SCAPER: variants seen among roughly 807,000 people sequenced by gnomAD.
SCAPER encodes S-phase cyclin A associated protein in the ER, also known as S phase cyclin A-associated protein in the endoplasmic reticulum.
A neutral mutation model predicts 182.2 loss-of-function variants in SCAPER; 98 were observed. That is an observed-to-expected ratio of 0.54 (90% CI 0.46 to 0.64). The LOEUF (loss-of-function observed/expected upper bound fraction) is 0.64, where lower values mean the gene tolerates loss of function less well. Ranked by LOEUF, SCAPER falls within the 30% of genes least tolerant of loss-of-function variation. SCAPER has a pLI of 0.00. For synonymous variants in SCAPER, 605 were observed against 564.6 expected (o/e 1.07, Z -1.01); for missense variants, 1,432 against 1,690.0 (o/e 0.85, Z 2.68).
chr15:76,874,026 G>A (rs1261994803), intron 2 of SCAPER, among the ~76,000 whole-genome samples: 1 of 151,952 alleles, frequency 6.6e-6, no homozygotes, highest in Non-Finnish European at 1.5e-5. Flanking sequence ...CCAAGTAGCT[G>A]GGATTACAGG....
intron 23 of SCAPER, among the ~76,000 whole-genome samples, chr15:76,536,022 A>C (rs903868658): frequency 1.3e-5 from 2 of 152,186 alleles, no homozygotes; most frequent in Non-Finnish European, 2.9e-5. Context: ...ACATACACTT[A>C]CTGAGTAAAA....
intron 23 of SCAPER, among the ~76,000 whole-genome samples, chr15:76,523,559 T>C (rs2042975837): frequency 6.6e-6 from 1 of 152,076 alleles, no homozygotes; most frequent in Non-Finnish European, 1.5e-5. Flanking sequence ...ATCCAGGGAA[T>C]CATTTATTCA....
In SCAPER at chr15:76,775,397, G is replaced by C. The variant is rs570562214; in HGVS notation, c.773-280C>G. Among the ~76,000 whole-genome samples, 6 of 152,182 alleles carry C rather than the reference G, an allele frequency of 3.9e-5. 1 individual carries two copies. The highest frequency in any genetic ancestry group is 1.4e-4 in the African/African-American group (6 of 41,526). On this transcript the variant is annotated intron_variant, in intron 8 of 31. Coordinates refer to ENST00000563290, the MANE Select transcript of SCAPER (RefSeq NM_020843.4). ...TTTAAATAGTGAATACTATGTGTGA[G>C]TACTGTTTTAAGTGCTTTATATATT... is the stretch of plus-strand genomic sequence containing the variant.
intron 23 of SCAPER, among the ~76,000 whole-genome samples, chr15:76,527,311 T>G (rs1187205817): frequency 6.6e-6 from 1 of 152,242 alleles, no homozygotes; most frequent in Non-Finnish European, 1.5e-5. Flanking sequence ...AGGTGCATTT[T>G]GGGTGAGAGG....
At chr15:76,566,140 C>T (rs144978168) in intron 23 of SCAPER, among the ~76,000 whole-genome samples, 44 of 152,216 alleles carry the variant, frequency 2.9e-4, no homozygotes, top group African/African-American at 9.4e-4. Context: ...TGATTTATCT[C>T]TCTGAGCCTA....
intron 5 of SCAPER, among the ~76,000 whole-genome samples, chr15:76,818,913 T>A (rs546497404): frequency 4.6e-5 from 7 of 152,314 alleles, no homozygotes; most frequent in African/African-American, 1.7e-4. Flanking sequence ...CCAACAGGCT[T>A]AACAAACGGC....
intron 21 of SCAPER, among the ~76,000 whole-genome samples, chr15:76,623,977 T>C (rs889351475): frequency 7.2e-5 from 11 of 152,246 alleles, no homozygotes; most frequent in African/African-American, 2.6e-4. Context: ...GCTGGAAGCA[T>C]TTCCCTGAAG....
intron 26 of SCAPER, among the ~76,000 whole-genome samples, chr15:76,425,132 G>A (rs756661367): frequency 3.3e-5 from 5 of 151,186 alleles, no homozygotes; most frequent in Admixed American, 1.3e-4. Flanking sequence ...CTTTGTGGCC[G>A]TCTGTATTTC....
chr15:76,890,161 T>C (rs1287864261), intron 1 of SCAPER, among the ~76,000 whole-genome samples: 2 of 152,152 alleles, frequency 1.3e-5, no homozygotes, highest in Non-Finnish European at 2.9e-5. Flanking sequence ...AGGACACATT[T>C]AACACAGTGG....
intron 24 of SCAPER, chr15:76,498,627 T>C (rs545843667): frequency 2.6e-5 from 4 of 152,356 alleles, no homozygotes; most frequent in African/African-American, 4.8e-5. Flanking sequence ...GCCACATACA[T>C]GGTTGCTGGT....
intron 20 of SCAPER, among the ~76,000 whole-genome samples, chr15:76,666,397 T>C (rs2056580008): frequency 6.6e-6 from 1 of 152,156 alleles, no homozygotes; most frequent in East Asian, 1.9e-4. Context: ...GCACATAGTG[T>C]TTGGTCAAGT....
At chr15:76,366,917 G>C (rs1469078646) in intron 29 of SCAPER, among the ~76,000 whole-genome samples, 1 of 152,218 alleles carries the variant, frequency 6.6e-6, no homozygotes, top group Non-Finnish European at 1.5e-5. Flanking sequence ...TGTCAAAACA[G>C]TGTTTTGAGT....
rs753101646 is a variant in SCAPER at position 76,381,395 on chromosome 15, G to A, written c.3688C>T (p.His1230Tyr). 12 of 1,613,262 alleles carry A rather than the reference G, an allele frequency of 7.4e-6. No homozygotes were observed. The Admixed American group carries it at 1.7e-4, about 22-fold the overall frequency. The change falls in exon 28 of 32, where the codon CAT becomes TAT. Residue 1230 changes from histidine (H) to tyrosine (Y), a missense_variant. Coordinates refer to ENST00000563290, the MANE Select transcript of SCAPER (RefSeq NM_020843.4). ...LRFFNSFAAL[H>Y]LPAFQSIVGA... ...CTTGGTACCTGAAAAGCAGGCAGAT[G>A]AAGAGCTGCAAAGCTGTTGAAGAAA...
chr15:76,768,989 T>C (rs2063282061), intron 10 of SCAPER, among the ~76,000 whole-genome samples: 1 of 151,966 alleles, frequency 6.6e-6, no homozygotes, highest in African/African-American at 2.4e-5. Context: ...ATATGTTGAG[T>C]GAAAGAAGTC....
intron 1 of SCAPER, among the ~76,000 whole-genome samples, chr15:76,886,461 C>T (rs1313385761): frequency 6.6e-6 from 1 of 152,140 alleles, no homozygotes; most frequent in Non-Finnish European, 1.5e-5. Context: ...GCCTGGGCAA[C>T]AGAGTGAGAC....
At chr15:76,422,462 T>C (rs190474316) in intron 26 of SCAPER, among the ~76,000 whole-genome samples, 1 of 152,332 alleles carries the variant, frequency 6.6e-6, no homozygotes, top group East Asian at 1.9e-4. Context: ...TTTTTGCACA[T>C]TGATTTTGTA....
chr15:76,466,740 G>A (rs2049692891), intron 25 of SCAPER, among the ~76,000 whole-genome samples: 1 of 150,482 alleles, frequency 6.6e-6, no homozygotes, highest in South Asian at 2.1e-4. Context: ...AGCTCAGCTA[G>A]GGGTTCTGGG....
chr15:76,765,134 T>G, intron 13 of SCAPER, 62 bp from the exon 14 acceptor site: 1 of 1,267,046 alleles, frequency 7.9e-7, no homozygotes, highest in Non-Finnish European at 1.1e-6. Flanking sequence ...CCAGAAAAAG[T>G]GTTCTTTAGA....
At chr15:76,632,736 G>A (rs1010385332) in intron 21 of SCAPER, among the ~76,000 whole-genome samples, 4 of 148,564 alleles carry the variant, frequency 2.7e-5, no homozygotes, top group Non-Finnish European at 4.5e-5. Flanking sequence ...CATCTTCATG[G>A]ATTTATTTCC....
Sources: allele counts gnomAD v4.1 joint callset (sites outside exome capture counted in the v4.1 genomes callset), GRCh38; gene constraint gnomAD v4.1.1; transcripts MANE v1.5; gene names NCBI Gene and HGNC (gene_info 2026-07-23, HGNC 2026-07-21).